The following AKAP19 variants were observed in gnomAD, a reference collection of about 807,000 sequenced individuals.
The protein encoded by AKAP19 is A-kinase anchoring protein 19, also known as small A-kinase anchoring protein.
the AKAP19 span, among the ~76,000 whole-genome samples, chr2:189,969,869 C>CTTTTTTTTTTT: frequency 3.6e-5 from 4 of 109,944 alleles, no homozygotes; most frequent in African/African-American, 7.3e-5. Flanking sequence ...TCTTCTTCTT[C>CTTTTTTTTTTT]TTTTTTTTTT....
At chr2:190,069,009 C>T in the AKAP19 span, among the ~76,000 whole-genome samples, 1 of 152,092 alleles carries the variant, frequency 6.6e-6, no homozygotes. Flanking sequence ...GCCATGCTGG[C>T]TATGACACCA....
At chr2:189,889,812 T>C in the AKAP19 span, among the ~76,000 whole-genome samples, 1 of 152,204 alleles carries the variant, frequency 6.6e-6, no homozygotes, top group Non-Finnish European at 1.5e-5. Context: ...ATTTGATTCT[T>C]CTCTCTTTTC....
the AKAP19 span, among the ~76,000 whole-genome samples, chr2:189,928,381 C>T: frequency 6.6e-6 from 1 of 151,582 alleles, no homozygotes; most frequent in Non-Finnish European, 1.5e-5. Context: ...GTTCATTTAC[C>T]AATTTTAACA....
the AKAP19 span, among the ~76,000 whole-genome samples, chr2:189,946,833 A>C: frequency 6.6e-6 from 1 of 152,228 alleles, no homozygotes. Context: ...ATATAGTTAC[A>C]TAAGAGTAGT....
At chr2:190,135,409 G>A in the AKAP19 span, among the ~76,000 whole-genome samples, 9 of 152,130 alleles carry the variant, frequency 5.9e-5, no homozygotes, top group African/African-American at 7.2e-5. Flanking sequence ...GGATCTCTGC[G>A]TGATTTATAT....
At chr2:189,999,326 AC>A in the AKAP19 span, among the ~76,000 whole-genome samples, 1 of 151,940 alleles carries the variant, frequency 6.6e-6, no homozygotes, top group African/African-American at 2.4e-5. Context: ...GTGATTTTTA[AC>A]TTTAACTTCT....
At chr2:190,041,880 T>A in the AKAP19 span, among the ~76,000 whole-genome samples, 20 of 152,304 alleles carry the variant, frequency 1.3e-4, no homozygotes, top group Middle Eastern at 3.4e-3. Flanking sequence ...TTGATCATGG[T>A]GGATTAGCTA....
chr2:190,151,158 C>A, the AKAP19 span, among the ~76,000 whole-genome samples: 4 of 152,268 alleles, frequency 2.6e-5, no homozygotes, highest in African/African-American at 9.6e-5. Flanking sequence ...TTTTGACATA[C>A]ATAAATGTTT....
At chr2:189,927,834 A>G in the AKAP19 span, among the ~76,000 whole-genome samples, 3 of 152,140 alleles carry the variant, frequency 2.0e-5, no homozygotes, top group African/African-American at 7.2e-5. Flanking sequence ...TACATTAGAA[A>G]TTCAGTTTCT....
the AKAP19 span, among the ~76,000 whole-genome samples, chr2:189,971,944 C>T: frequency 6.6e-6 from 1 of 151,826 alleles, no homozygotes; most frequent in East Asian, 1.9e-4. Flanking sequence ...CCTGTTCACT[C>T]TGATGGTAGT....
the AKAP19 span, among the ~76,000 whole-genome samples, chr2:189,949,526 AAG>A: frequency 6.7e-6 from 1 of 149,988 alleles, no homozygotes; most frequent in Admixed American, 6.6e-5. Context: ...AAAAGGAAAA[AAG>A]AAATCCAGAT....
chr2:190,049,522 AC>A, the AKAP19 span, among the ~76,000 whole-genome samples: 1 of 152,200 alleles, frequency 6.6e-6, no homozygotes, highest in Non-Finnish European at 1.5e-5. Flanking sequence ...TTTTTCACGA[AC>A]CCACATGCAG....
chr2:190,177,529 C>T, the AKAP19 span, among the ~76,000 whole-genome samples: 3 of 152,188 alleles, frequency 2.0e-5, no homozygotes, highest in East Asian at 5.8e-4. This position sits in a 1 kb window ranked among gnomAD's most constrained non-coding sequence, Gnocchi z 4.6. Flanking sequence ...GCTTAGAGTA[C>T]TTTTAGAAAG....
At chr2:190,058,999 T>C in the AKAP19 span, among the ~76,000 whole-genome samples, 1 of 151,624 alleles carries the variant, frequency 6.6e-6, no homozygotes, top group African/African-American at 2.4e-5. Context: ...TGTGTGTGTG[T>C]GTATAAATAT....
chr2:190,035,000 T>C, the AKAP19 span, among the ~76,000 whole-genome samples: 1 of 152,258 alleles, frequency 6.6e-6, no homozygotes, highest in East Asian at 1.9e-4. Flanking sequence ...GCCAGTCTTG[T>C]TTTATCTATT....
the AKAP19 span, among the ~76,000 whole-genome samples, chr2:190,197,294 G>GTAAC: frequency 6.6e-6 from 1 of 152,190 alleles, no homozygotes. The surrounding 1 kb of genome is among the most constrained non-coding windows in gnomAD (Gnocchi z 4.0). Flanking sequence ...TTCTTGAGTA[G>GTAAC]TAACTAAATA....
chr2:189,930,358 A>G, the AKAP19 span: 2 of 502,236 alleles, frequency 4.0e-6, no homozygotes, highest in Non-Finnish European at 3.4e-6. Flanking sequence ...AATACAGTCC[A>G]GGTGGTAGAT....
the AKAP19 span, among the ~76,000 whole-genome samples, chr2:190,167,979 G>A: frequency 6.6e-6 from 1 of 152,176 alleles, no homozygotes; most frequent in Non-Finnish European, 1.5e-5. Context: ...GCCCCAGTAG[G>A]AAATCTGTGT....
At chr2:190,170,970 A>C in the AKAP19 span, among the ~76,000 whole-genome samples, 1 of 152,046 alleles carries the variant, frequency 6.6e-6, no homozygotes, top group Non-Finnish European at 1.5e-5. Flanking sequence ...TGAGCTAACC[A>C]CTCTCTTGGG....
Sources: gnomAD v4.1 joint callset for allele counts (sites outside exome capture counted in the v4.1 genomes callset) on GRCh38, gnomAD v4.1.1 for gene constraint, Gnocchi (gnomAD v3.1) non-coding constraint, MANE v1.5 for transcripts, NCBI Gene and HGNC (gene_info 2026-07-23, HGNC 2026-07-21) for gene names.